The following DOCK8 variants were observed in gnomAD, a reference collection of about 807,000 sequenced individuals.
The protein encoded by DOCK8 is dedicator of cytokinesis protein 8.
Under a neutral mutation model 245.6 loss-of-function variants are expected in DOCK8, and 141 were observed. That is an observed-to-expected ratio of 0.57 (90% CI 0.50 to 0.66). The LOEUF (loss-of-function observed/expected upper bound fraction) is 0.66, where lower values mean the gene tolerates loss of function less well. DOCK8 is among the 30% of genes least tolerant of loss of function. DOCK8 has a pLI of 0.00. For missense variants in DOCK8, 2,965 were observed against 2,603.4 expected (o/e 1.14, Z -3.02); for synonymous variants, 1,168 against 970.2 (o/e 1.20, Z -3.79).
rs181705526 is a variant in DOCK8 at position 434,017 on chromosome 9, C to T, written c.4886+42C>T. 2,739 of 1,442,136 alleles carry T rather than the reference C, an allele frequency of 1.9e-3. 39 individuals carry two copies. In the Admixed American group the frequency reaches 0.037, roughly 20 times the overall value. The allele number at this position is 1,442,136 out of a possible 1,614,324, so 89.3% of individuals were successfully genotyped here. On this transcript the variant is annotated intron_variant, in intron 38 of 47. Coordinates refer to ENST00000432829, the MANE Select transcript of DOCK8 (RefSeq NM_203447.4). ...CACTCAAGGGACACCATTTGGGGGTCGAGGATTTGTCACTGTGGAGTTCTT... is the reference window on the plus strand; with the variant it reads ...CACTCAAGGGACACCATTTGGGGGTTGAGGATTTGTCACTGTGGAGTTCTT...
chr9:368,076 C>T lies in DOCK8; in HGVS notation c.1738C>T (p.Arg580Trp), dbSNP rs144793271. 6 of 1,614,118 alleles carry T rather than the reference C, an allele frequency of 3.7e-6. No homozygotes were observed. The Admixed American group carries it at 5.0e-5, about 13-fold the overall frequency. ...CTTTGTAAACAAACTAGCATCAGCC[C>T]GGAACATTACAATAAAGATCCAGTT... is the stretch of plus-strand genomic sequence containing the variant. Reference protein sequence around the residue: ...LNFVNKLASARNITIKIQFMC... With the variant: ...LNFVNKLASAWNITIKIQFMC... The change falls in exon 15 of 48, where the codon CGG (arginine) becomes TGG (tryptophan). Residue 580 changes from arginine (R) to tryptophan (W), a missense_variant. Coordinates refer to ENST00000432829, the MANE Select transcript of DOCK8 (RefSeq NM_203447.4).
At chr9:434,579 C>T (rs1328589352) in intron 38 of DOCK8, among the ~76,000 whole-genome samples, 2 of 152,000 alleles carry the variant, frequency 1.3e-5, no homozygotes, top group Non-Finnish European at 2.9e-5. Flanking sequence ...TCTTGGAGGT[C>T]AGCACAGCTT....
chr9:288,063 T>C lies in DOCK8; in HGVS notation c.332+1427T>C, dbSNP rs755414507. On this transcript the variant is annotated intron_variant, in intron 3 of 47. Coordinates refer to ENST00000432829, the MANE Select transcript of DOCK8 (RefSeq NM_203447.4). ...GAATTTAGAGGAAGGAGGAGGTTTT[T>C]TTTTTTTTGAAATTTGATAAGGAAG... 9.9e-5 allele frequency among the ~76,000 whole-genome samples: 15 copies of C among 152,152 alleles called. 1 individual carries two copies. Among genetic ancestry groups the C allele is most frequent in the Middle Eastern group, 3.4e-3 (1 of 294 alleles).
At chr9:385,949 ATGTATTGGTGT>A (rs2131321782) in intron 22 of DOCK8, among the ~76,000 whole-genome samples, 1 of 152,230 alleles carries the variant, frequency 6.6e-6, no homozygotes, top group Admixed American at 6.5e-5. Flanking sequence ...GTTTTTGACA[ATGTATTGGTGT>A]TTAGGAGACA....
In DOCK8 at chr9:372,175, T is replaced by G; in HGVS notation, c.2008-10T>G. On this transcript the variant is annotated splice_polypyrimidine_tract_variant and intron_variant, in intron 17 of 47. Transcript: ENST00000432829. ...AAATACCACTTTATTATTTACATCA[T>G]CTGTTTCAGTGGCTGCCAATTCTCT... is the stretch of plus-strand genomic sequence containing the variant. 6.2e-7 allele frequency: 1 copy of G among 1,608,808 alleles called. No individual in the cohort carries two copies. Among genetic ancestry groups the G allele is most frequent in the Non-Finnish European group, 8.5e-7 (1 of 1,175,332 alleles).
chr9:403,112 A>G (rs1214587369), intron 26 of DOCK8, among the ~76,000 whole-genome samples: 2 of 151,264 alleles, frequency 1.3e-5, no homozygotes, highest in African/African-American at 4.9e-5. Context: ...CTGGTCTTGA[A>G]CTCTGGCCTC....
At position 309,239 on chromosome 9, in the gene DOCK8, T is replaced by C. The variant is rs2049987868; in HGVS notation, c.529-2715T>C. On this transcript the variant is annotated intron_variant, in intron 5 of 47. Transcript: ENST00000432829. ...AAATAAATTTGGGAAATTAAAGTCATTTTCCTTAAACTCTTATAAATTTTA... is the reference window on the plus strand; with the variant it reads ...AAATAAATTTGGGAAATTAAAGTCACTTTCCTTAAACTCTTATAAATTTTA... Among the ~76,000 whole-genome samples the C allele has an allele frequency of 2.6e-5, 4 of 152,216 alleles. No homozygotes were observed. In the South Asian group the frequency reaches 8.3e-4, roughly 32 times the overall value.
At chr9:341,444 C>T (rs147217414) in intron 14 of DOCK8, among the ~76,000 whole-genome samples, 3 of 152,228 alleles carry the variant, frequency 2.0e-5, no homozygotes, top group African/African-American at 7.2e-5. Context: ...TCATCTCTTC[C>T]CCACCATCCA....
chr9:286,794 A>G (rs566220839), intron 3 of DOCK8, among the ~76,000 whole-genome samples, 158 bp downstream of exon 3: 1 of 152,322 alleles, frequency 6.6e-6, no homozygotes, highest in East Asian at 1.9e-4. Context: ...TCATGTAAGT[A>G]TAGATAGTTT....
At position 332,440 on chromosome 9, in the gene DOCK8, G is replaced by C; in HGVS notation, c.1087G>C (p.Glu363Gln). Reference sequence around the variant, plus strand: ...GCAGGGAGAGATTGGAGACTGTGCAGAGCCCTACACGGTTATCAAAGAAAG... The same window carrying C: ...GCAGGGAGAGATTGGAGACTGTGCACAGCCCTACACGGTTATCAAAGAAAG... ...LQQGEIGDCA[E>Q]PYTVIKESDG... Residue 363 changes from glutamate (E) to glutamine (Q), a missense_variant, in exon 10 of 48, where the codon GAG becomes CAG. Glu to Gln is a conservative substitution (Grantham distance 29). Around this residue, in one of 3 missense-constraint regions of DOCK8, gnomAD observed 2,825 missense variants for 2,453.5 expected, o/e 1.15. Transcript: ENST00000432829. 6.2e-7 allele frequency: 1 copy of C among 1,613,444 alleles called. No homozygotes were observed. Among genetic ancestry groups the C allele is most frequent in the Non-Finnish European group, 8.5e-7 (1 of 1,179,506 alleles).
chr9:402,881 T>C (rs76598491), intron 26 of DOCK8, among the ~76,000 whole-genome samples: 3 of 152,116 alleles, frequency 2.0e-5, no homozygotes, highest in Admixed American at 6.5e-5. Flanking sequence ...CTCAAATTGT[T>C]TTTGAAATGT....
At chr9:244,330 C>T (rs1169401878) in intron 1 of DOCK8, among the ~76,000 whole-genome samples, 5 of 151,712 alleles carry the variant, frequency 3.3e-5, no homozygotes, top group Admixed American at 3.3e-4. Context: ...CCATATCCAA[C>T]TTCATTTCCA....
intron 4 of DOCK8, among the ~76,000 whole-genome samples, chr9:304,168 A>G (rs1425812170): frequency 6.6e-6 from 1 of 152,206 alleles, no homozygotes; most frequent in East Asian, 1.9e-4. Flanking sequence ...TATTAAGAAC[A>G]TTGATGTGAA....
chr9:276,862 G>T (rs2048365811), intron 2 of DOCK8: 2 of 182,490 alleles, frequency 1.1e-5, no homozygotes, highest in South Asian at 1.4e-4. Context: ...AGGCTGGAGT[G>T]CAGTGGTACA....
intron 25 of DOCK8, 98 bp downstream of exon 25, chr9:397,032 T>C: frequency 7.4e-7 from 1 of 1,348,392 alleles, no homozygotes; most frequent in Non-Finnish European, 1.0e-6. Context: ...AAACAATAAT[T>C]AAAATATAAC....
At chr9:422,209 T>G in intron 33 of DOCK8, 74 bp downstream of exon 33, 1 of 1,183,302 alleles carries the variant, frequency 8.5e-7, no homozygotes, top group South Asian at 1.2e-5. Flanking sequence ...CTTGTATTAC[T>G]GAAACAACTG....
At chr9:460,796 G>A (rs1388152742) in intron 46 of DOCK8, among the ~76,000 whole-genome samples, 5 of 152,176 alleles carry the variant, frequency 3.3e-5, no homozygotes, top group Admixed American at 3.3e-4. Flanking sequence ...CTTCCTCTTT[G>A]ACTGTCATCC....
intron 5 of DOCK8, among the ~76,000 whole-genome samples, chr9:307,868 A>G (rs981065460): frequency 8.5e-5 from 13 of 152,222 alleles, no homozygotes; most frequent in African/African-American, 3.1e-4. Flanking sequence ...TATACACGAT[A>G]GAATACTATT....
chr9:332,940 G>C (rs2051093684), intron 10 of DOCK8, among the ~76,000 whole-genome samples: 1 of 152,110 alleles, frequency 6.6e-6, no homozygotes, highest in South Asian at 2.1e-4. Context: ...TTACAGGCAT[G>C]AGTCACCATG....
Sources: gnomAD v4.1 joint callset for allele counts (sites outside exome capture counted in the v4.1 genomes callset) on GRCh38, gnomAD v4.1.1 for gene constraint, gnomAD v4.1.1 regional missense constraint, MANE v1.5 for transcripts, NCBI Gene and HGNC (gene_info 2026-07-23, HGNC 2026-07-21) for gene names.